The following GRIP1 variants were observed in gnomAD, a reference collection of about 807,000 sequenced individuals.
GRIP1 encodes glutamate receptor-interacting protein 1.
A neutral mutation model predicts 129.9 loss-of-function variants in GRIP1; 45 were observed. The observed-to-expected ratio is 0.35, with a 90% CI of 0.27 to 0.44. The LOEUF is 0.44. Ranked by LOEUF, GRIP1 falls within the 20% of genes least tolerant of loss-of-function variation. The pLI is 1.00. For synonymous variants in GRIP1, 530 were observed against 520.8 expected, an observed-to-expected ratio of 1.02 and a Z score of -0.24; for missense variants, 1,196 against 1,396.8, an observed-to-expected ratio of 0.86 and a Z score of 2.29.
intron 7 of GRIP1, among the ~76,000 whole-genome samples, chr12:66,499,324 A>G (rs374968182): frequency 5.3e-5 from 8 of 152,228 alleles, no homozygotes; most frequent in African/African-American, 1.9e-4. Flanking sequence ...GGTTATCATG[A>G]GGATAAAATA....
At chr12:66,395,617 A>G (rs1441394884) in intron 16 of GRIP1, among the ~76,000 whole-genome samples, 1 of 152,220 alleles carries the variant, frequency 6.6e-6, no homozygotes, top group African/African-American at 2.4e-5. Context: ...ACTTCTGGCC[A>G]TAGATTGGGA....
chr12:67,043,504 A>C (rs1190209673), intron 1 of GRIP1, among the ~76,000 whole-genome samples: 3 of 152,188 alleles, frequency 2.0e-5, no homozygotes, highest in Non-Finnish European at 2.9e-5. Flanking sequence ...ATAAAGTCAA[A>C]GATTTTTTCC....
At chr12:66,887,168 T>C (rs769673456) in intron 1 of GRIP1, among the ~76,000 whole-genome samples, 16 of 152,246 alleles carry the variant, frequency 1.1e-4, no homozygotes, top group Non-Finnish European at 2.9e-5. Flanking sequence ...GTTTGAAGAC[T>C]TCGCCTTCTG....
Position 66,605,054 on chromosome 12 carries a change from TATATATATATAC to T in GRIP1, c.56-8139_56-8128del, listed in dbSNP as rs2064452999. ...GAATATGAAATTCAGAAGTCACTTA[TATATATATATAC>T]ATATATATATATTCACAATTTGGAC... On this transcript the variant is annotated intron_variant, in intron 1 of 24. Coordinates refer to ENST00000359742, the MANE Select transcript of GRIP1 (RefSeq NM_001366722.1). Among the ~76,000 whole-genome samples, 3 of 109,264 alleles carry T rather than the reference TATATATATATAC, an allele frequency of 2.7e-5. No individual in the cohort carries two copies. In the South Asian group the frequency reaches 7.7e-4, roughly 28 times the overall value. 71.7% of individuals were successfully genotyped at this position (109,264 alleles called of 152,430 possible).
intron 19 of GRIP1, among the ~76,000 whole-genome samples, chr12:66,384,798 T>C (rs898333982): frequency 1.3e-5 from 2 of 152,196 alleles, no homozygotes; most frequent in African/African-American, 2.4e-5. Flanking sequence ...GATGACACCA[T>C]GGGAAAAATA....
At chr12:66,950,734 A>C (rs1358978997) in intron 1 of GRIP1, among the ~76,000 whole-genome samples, 1 of 152,124 alleles carries the variant, frequency 6.6e-6, no homozygotes, top group Non-Finnish European at 1.5e-5. Context: ...GGTTATAGCC[A>C]AAAATTTGAC....
intron 15 of GRIP1, among the ~76,000 whole-genome samples, chr12:66,406,773 T>C (rs2137665384): frequency 6.6e-6 from 1 of 152,344 alleles, no homozygotes; most frequent in East Asian, 1.9e-4. Context: ...TATTGTTGTA[T>C]TACTTTTGAT....
chr12:66,743,486 A>G (rs1334991746), intron 1 of GRIP1, among the ~76,000 whole-genome samples: 2 of 152,176 alleles, frequency 1.3e-5, no homozygotes, highest in African/African-American at 4.8e-5. Flanking sequence ...CCGTGGATCA[A>G]GAGCCAGGGA....
chr12:66,521,646 C>A (rs532300226), intron 5 of GRIP1, among the ~76,000 whole-genome samples: 2 of 152,148 alleles, frequency 1.3e-5, no homozygotes, highest in South Asian at 4.1e-4. Flanking sequence ...GAGTGCCAGA[C>A]AGTGGGTGCA....
chr12:66,790,812 T>G (rs1011382944), intron 1 of GRIP1, among the ~76,000 whole-genome samples: 8 of 151,676 alleles, frequency 5.3e-5, no homozygotes, highest in African/African-American at 1.9e-4. Context: ...ACATCTAAAT[T>G]ACAAAACGAG....
intron 1 of GRIP1, among the ~76,000 whole-genome samples, chr12:66,764,424 G>T (rs1299344160): frequency 6.6e-6 from 1 of 152,118 alleles, no homozygotes; most frequent in Non-Finnish European, 1.5e-5. Context: ...CATTTATGAT[G>T]TTTTCCATAA....
chr12:66,903,422 T>C (rs1477048242), intron 1 of GRIP1, among the ~76,000 whole-genome samples: 1 of 152,066 alleles, frequency 6.6e-6, no homozygotes, highest in Non-Finnish European at 1.5e-5. Context: ...TTCAAGGTTA[T>C]TAACCAACAC....
chr12:66,763,091 G>T (rs1056056241), intron 1 of GRIP1, among the ~76,000 whole-genome samples: 1 of 152,008 alleles, frequency 6.6e-6, no homozygotes, highest in Non-Finnish European at 1.5e-5. Context: ...CTTTTATAAA[G>T]AATTATAATT....
chr12:66,479,687 C>G (rs988219081), intron 7 of GRIP1, among the ~76,000 whole-genome samples: 12 of 152,172 alleles, frequency 7.9e-5, no homozygotes, highest in African/African-American at 2.9e-4. Context: ...CTCTGACAAA[C>G]TTAATACAGC....
rs148718195 is a variant in GRIP1, at chr12:66,664,790, G to A, written c.55+14060C>T. Among the ~76,000 whole-genome samples the A allele has an allele frequency of 6.2e-4, 95 of 152,190 alleles. 1 individual carries two copies. Among genetic ancestry groups the A allele is most frequent in the African/African-American group, 2.2e-3 (90 of 41,526 alleles). On this transcript the variant is annotated intron_variant, in intron 1 of 24. Coordinates refer to ENST00000359742, the MANE Select transcript of GRIP1 (RefSeq NM_001366722.1). ...AAGCATGAAATAAATGGTAGCTATT[G>A]TTATTAGTAATGTTAATATTACTTT...
At chr12:66,805,520 C>A (rs2038972084), upstream of GRIP1, among the ~76,000 whole-genome samples, 1 of 152,144 alleles carries the variant, frequency 6.6e-6, no homozygotes, top group African/African-American at 2.4e-5. Context: ...TAATGATATA[C>A]TGCAGCTCCA....
intron 1 of GRIP1, among the ~76,000 whole-genome samples, chr12:67,009,978 G>C (rs1301119390): frequency 6.6e-6 from 1 of 152,134 alleles, no homozygotes; most frequent in Non-Finnish European, 1.5e-5. Context: ...TAAAGAGAGA[G>C]GTGTAATGAA....
chr12:67,055,401 G>A (rs1054705243), intron 1 of GRIP1, among the ~76,000 whole-genome samples: 2 of 145,738 alleles, frequency 1.4e-5, no homozygotes, highest in Non-Finnish European at 2.9e-5. Context: ...TATGGCCACA[G>A]GTGAAGCAGA....
chr12:66,749,577 G>A (rs1592806188), intron 1 of GRIP1, among the ~76,000 whole-genome samples: 1 of 152,032 alleles, frequency 6.6e-6, no homozygotes, highest in Non-Finnish European at 1.5e-5. Flanking sequence ...TTTTCTAACC[G>A]GTATGCAGTA....
Sources: gnomAD v4.1 joint callset for allele counts (sites outside exome capture counted in the v4.1 genomes callset) on GRCh38, gnomAD v4.1.1 for gene constraint, MANE v1.5 for transcripts, NCBI Gene and HGNC (gene_info 2026-07-23, HGNC 2026-07-21) for gene names.